SLC24A2: variants seen among roughly 807,000 people sequenced by gnomAD.
The protein encoded by SLC24A2 is sodium/potassium/calcium exchanger 2.
Under a neutral mutation model 62.0 loss-of-function variants are expected in SLC24A2, and 36 were observed. That is an observed-to-expected ratio of 0.58 (90% CI 0.44 to 0.77). The LOEUF (loss-of-function observed/expected upper bound fraction) is 0.77. Ranked by LOEUF, SLC24A2 falls within the 30% of genes least tolerant of loss-of-function variation. SLC24A2 has a pLI of 0.00. For missense variants in SLC24A2, 846 were observed against 817.9 expected (o/e 1.03, Z -0.42); for synonymous variants, 358 against 294.0 (o/e 1.22, Z -2.23).
At chr9:19,525,808 T>C (rs764356938) in intron 9 of SLC24A2, among the ~76,000 whole-genome samples, 23 of 148,404 alleles carry the variant, frequency 1.5e-4, no homozygotes, top group Non-Finnish European at 3.4e-4. Flanking sequence ...CTAGTGGTTG[T>C]GAAGTGATAT....
At chr9:20,007,448 T>A in the SLC24A2 span, among the ~76,000 whole-genome samples, 1 of 152,094 alleles carries the variant, frequency 6.6e-6, no homozygotes, top group African/African-American at 2.4e-5. Flanking sequence ...GTTTTCTAAG[T>A]CTAATCTAGG....
At chr9:20,015,626 G>C in the SLC24A2 span, among the ~76,000 whole-genome samples, 68 of 152,326 alleles carry the variant, frequency 4.5e-4, no homozygotes, top group Middle Eastern at 3.4e-3. Flanking sequence ...GGTTGACTTA[G>C]TACAAAAATA....
the SLC24A2 span, among the ~76,000 whole-genome samples, chr9:19,986,667 G>A: frequency 1.3e-5 from 2 of 152,158 alleles, no homozygotes; most frequent in South Asian, 2.1e-4. Flanking sequence ...AAAACACTAC[G>A]TTATATGAAA....
the SLC24A2 span, among the ~76,000 whole-genome samples, chr9:20,145,878 A>G: frequency 1.9e-4 from 29 of 152,006 alleles, no homozygotes; most frequent in African/African-American, 6.5e-4. Context: ...TGCTATATAT[A>G]TAGATATAAA....
At chr9:20,189,084 T>TC in the SLC24A2 span, among the ~76,000 whole-genome samples, 2 of 106,682 alleles carry the variant, frequency 1.9e-5, no homozygotes, top group Admixed American at 1.1e-4. Context: ...TTCTTTTTTT[T>TC]TTTTTTTTCC....
At chr9:19,850,239 A>G in the SLC24A2 span, among the ~76,000 whole-genome samples, 2 of 152,128 alleles carry the variant, frequency 1.3e-5, no homozygotes, top group African/African-American at 4.8e-5. Flanking sequence ...GTATTATTCA[A>G]TGCTCTCATC....
chr9:19,942,919 C>G, the SLC24A2 span, among the ~76,000 whole-genome samples: 1 of 152,110 alleles, frequency 6.6e-6, no homozygotes, highest in Non-Finnish European at 1.5e-5. Flanking sequence ...CTGGTTAGAT[C>G]CAAAGAATGA....
rs1818648626 is a variant in SLC24A2, at chr9:19,646,786, C to T, written c.931-24487G>A. 5.9e-5 allele frequency among the ~76,000 whole-genome samples: 9 copies of T among 152,160 alleles called. No individual in the cohort carries two copies. In the South Asian group the frequency reaches 1.9e-3, roughly 32 times the overall value. ...ACAGCCTTAAAAATATGGCTGCAAC[C>T]AATTTTCCCAGGTATGTATTTCCCA... On this transcript the variant is annotated intron_variant, in intron 2 of 10. Coordinates refer to ENST00000341998, the MANE Select transcript of SLC24A2 (RefSeq NM_020344.4).
At chr9:19,681,405 A>G (rs1358809724) in intron 2 of SLC24A2, among the ~76,000 whole-genome samples, 1 of 151,968 alleles carries the variant, frequency 6.6e-6, no homozygotes, top group East Asian at 1.9e-4. Flanking sequence ...ATGCTTTTCC[A>G]TAGCCCTTCT....
intron 2 of SLC24A2, among the ~76,000 whole-genome samples, chr9:19,662,670 T>G (rs1819136468): frequency 6.6e-6 from 1 of 152,218 alleles, no homozygotes; most frequent in African/African-American, 2.4e-5. Context: ...CCTCCTCATC[T>G]TGGTGCATGT....
chr9:19,786,965 G>A lies in SLC24A2; in HGVS notation c.-99C>T. 3 of 1,506,840 alleles carry A rather than the reference G, an allele frequency of 2.0e-6. No homozygotes were observed. The highest frequency in any genetic ancestry group is 2.1e-5 in the Admixed American group (1 of 47,648). The allele number at this position is 1,506,840 out of a possible 1,614,324, so 93.3% of individuals were successfully genotyped here. A position where few individuals can be genotyped will look rare whatever the true frequency, so the allele number is the denominator to read the frequency against. On this transcript the variant is annotated 5_prime_UTR_variant, in exon 2 of 11. Transcript: ENST00000341998. This position sits in a 1 kb window ranked among gnomAD's most constrained non-coding sequence, Gnocchi z 5.0. ...ACTTTATAGTTAACGATGCTTGTGGGGTACTTTCACAATCAGGGATTGTTA... is the reference window on the plus strand; with the variant it reads ...ACTTTATAGTTAACGATGCTTGTGGAGTACTTTCACAATCAGGGATTGTTA...
the SLC24A2 span, among the ~76,000 whole-genome samples, chr9:20,083,465 C>T: frequency 1.3e-5 from 2 of 152,172 alleles, no homozygotes; most frequent in African/African-American, 4.8e-5. Flanking sequence ...GGCTGGGGGT[C>T]AAAGTTGGAA....
chr9:20,193,475 A>T, the SLC24A2 span, among the ~76,000 whole-genome samples: 1 of 151,858 alleles, frequency 6.6e-6, no homozygotes, highest in African/African-American at 2.4e-5. Flanking sequence ...ATCTGGGAAG[A>T]CTTTCCCTTA....
At chr9:19,555,750 G>A (rs1010123698) in intron 7 of SLC24A2, among the ~76,000 whole-genome samples, 1 of 152,140 alleles carries the variant, frequency 6.6e-6, no homozygotes, top group Admixed American at 6.5e-5. Flanking sequence ...TTTGAGACCA[G>A]CTTGGCCAAC....
the SLC24A2 span, among the ~76,000 whole-genome samples, chr9:20,002,377 T>A: frequency 1.3e-5 from 2 of 151,978 alleles, no homozygotes; most frequent in Non-Finnish European, 2.9e-5. Flanking sequence ...TTTTTTTTTT[T>A]TTTTTTCAGT....
chr9:20,259,084 C>A, the SLC24A2 span, among the ~76,000 whole-genome samples: 1 of 152,112 alleles, frequency 6.6e-6, no homozygotes, highest in Non-Finnish European at 1.5e-5. Flanking sequence ...TGCAACATTG[C>A]TGGCTTCCAA....
chr9:19,648,552 T>G (rs1460016639), intron 2 of SLC24A2, among the ~76,000 whole-genome samples: 1 of 152,208 alleles, frequency 6.6e-6, no homozygotes, highest in Admixed American at 6.5e-5. Context: ...CCAGGTCACT[T>G]AAGCAGAAGT....
the SLC24A2 span, among the ~76,000 whole-genome samples, chr9:20,216,710 A>G: frequency 6.6e-6 from 1 of 152,224 alleles, no homozygotes; most frequent in Non-Finnish European, 1.5e-5. Context: ...ATGAACAGAA[A>G]GCTATCTCAA....
the SLC24A2 span, among the ~76,000 whole-genome samples, chr9:20,018,162 T>C: frequency 6.6e-6 from 1 of 152,174 alleles, no homozygotes; most frequent in Non-Finnish European, 1.5e-5. Flanking sequence ...TTAGCCAGGA[T>C]GATTTTGATC....
Sources: allele counts gnomAD v4.1 joint callset (sites outside exome capture counted in the v4.1 genomes callset), GRCh38; gene constraint gnomAD v4.1.1; non-coding constraint Gnocchi (gnomAD v3.1); transcripts MANE v1.5; gene names NCBI Gene and HGNC (gene_info 2026-07-23, HGNC 2026-07-21).